The following SWT1 variants were observed in gnomAD, a reference collection of about 807,000 sequenced individuals.
SWT1 encodes transcriptional protein SWT1.
In SWT1, 33 loss-of-function variants were observed where a neutral mutation model predicts 107.3. That is an observed-to-expected ratio of 0.31 (90% CI 0.23 to 0.41). SWT1 has a LOEUF of 0.41. Ranked by LOEUF, SWT1 falls within the 10% of genes least tolerant of loss-of-function variation. The probability of loss-of-function intolerance (pLI) is 1.00; values close to 1 mark genes in which losing one functional copy is unlikely to be tolerated. For synonymous variants in SWT1, 345 were observed against 348.3 expected (o/e 0.99, Z 0.11); for missense variants, 898 against 1,028.9 (o/e 0.87, Z 1.74).
intron 9 of SWT1, among the ~76,000 whole-genome samples, chr1:185,185,473 A>G (rs998744031): frequency 6.6e-6 from 1 of 152,144 alleles, no homozygotes; most frequent in Non-Finnish European, 1.5e-5. Flanking sequence ...TATGTTTTAT[A>G]TAATTTGCTG....
At chr1:185,164,374 C>A (rs1190544667) in intron 2 of SWT1, among the ~76,000 whole-genome samples, 1 of 152,190 alleles carries the variant, frequency 6.6e-6, no homozygotes. Flanking sequence ...AAGTCACCAA[C>A]TGCATTAGCC....
intron 4 of SWT1, 78 bp downstream of exon 4, chr1:185,168,476 A>G: frequency 1.1e-6 from 1 of 898,870 alleles, no homozygotes; most frequent in Non-Finnish European, 1.5e-6. Flanking sequence ...AATTTTTTTT[A>G]TTTACTTTGA....
At chr1:185,246,191 A>G (rs1571605809) in intron 16 of SWT1, among the ~76,000 whole-genome samples, 1 of 152,310 alleles carries the variant, frequency 6.6e-6, no homozygotes, top group East Asian at 1.9e-4. Flanking sequence ...CTCTGAGTTA[A>G]TGCTAATCTC....
At chr1:185,251,087 T>A (rs1661981883) in intron 16 of SWT1, among the ~76,000 whole-genome samples, 1 of 152,190 alleles carries the variant, frequency 6.6e-6, no homozygotes. Context: ...TTAATGATGC[T>A]CTTCCTAATG....
At chr1:185,218,846 T>G (rs1419691717) in intron 14 of SWT1, among the ~76,000 whole-genome samples, 1 of 152,198 alleles carries the variant, frequency 6.6e-6, no homozygotes, top group Non-Finnish European at 1.5e-5. Flanking sequence ...TTTTGTAAAA[T>G]GAGTGTAATA....
chr1:185,246,054 C>G (rs1303496025), intron 16 of SWT1, among the ~76,000 whole-genome samples: 1 of 152,000 alleles, frequency 6.6e-6, no homozygotes, highest in Non-Finnish European at 1.5e-5. Flanking sequence ...AGGTGTGAGC[C>G]ACCGCACCCA....
chr1:185,185,235 A>T (rs1656349729), intron 9 of SWT1, among the ~76,000 whole-genome samples: 1 of 152,178 alleles, frequency 6.6e-6, no homozygotes, highest in Non-Finnish European at 1.5e-5. Context: ...TGAGTGATGA[A>T]GTCTGTAAGT....
At chr1:185,261,193 C>T (rs1183294724) in intron 16 of SWT1, among the ~76,000 whole-genome samples, 2 of 152,128 alleles carry the variant, frequency 1.3e-5, no homozygotes, top group Admixed American at 6.5e-5. Context: ...CCATCCCCTT[C>T]AGCCCTTGAC....
intron 10 of SWT1, among the ~76,000 whole-genome samples, chr1:185,193,870 T>A (rs1657166470): frequency 6.6e-6 from 1 of 152,192 alleles, no homozygotes; most frequent in African/African-American, 2.4e-5. Flanking sequence ...TTTTGCTTCG[T>A]GTATTGTGAA....
chr1:185,255,957 C>G (rs1662472778), intron 16 of SWT1, among the ~76,000 whole-genome samples: 3 of 151,858 alleles, frequency 2.0e-5, no homozygotes, highest in Admixed American at 6.6e-5. Flanking sequence ...CCTTCAGGAG[C>G]TCTTTTAGGG....
At chr1:185,190,894 G>T (rs552848095) in intron 10 of SWT1, among the ~76,000 whole-genome samples, 1 of 152,214 alleles carries the variant, frequency 6.6e-6, no homozygotes, top group African/African-American at 2.4e-5. Context: ...AGGGGAAAAG[G>T]CAACTTAATA....
At chr1:185,274,336 G>T (rs1664094790) in intron 17 of SWT1, among the ~76,000 whole-genome samples, 1 of 147,606 alleles carries the variant, frequency 6.8e-6, no homozygotes, top group African/African-American at 2.5e-5. Context: ...ATAGATGTCA[G>T]ATATATATAT....
chr1:185,173,860 A>G (rs1655311576), intron 4 of SWT1, among the ~76,000 whole-genome samples: 1 of 152,118 alleles, frequency 6.6e-6, no homozygotes, highest in Non-Finnish European at 1.5e-5. Flanking sequence ...CTACAAAAAA[A>G]TTACAAAAAT....
intron 7 of SWT1, among the ~76,000 whole-genome samples, chr1:185,183,544 A>G (rs943047374): frequency 6.6e-6 from 1 of 152,286 alleles, no homozygotes; most frequent in South Asian, 2.1e-4. Context: ...CGGCCTCTCA[A>G]AGTGCTGGGA....
In SWT1 at chr1:185,285,716, TGTAAG is replaced by T. The variant is rs1359522458; in HGVS notation, c.2574-4951_2574-4947del. The stretch of plus-strand genomic sequence containing the variant: ...ATTTTGAGTTAATTTTTGTATATGA[TGTAAG>T]GTAAGGGGTCCAGCTTCATTCATGC... On this transcript the variant is annotated intron_variant, in intron 18 of 18. Transcript: ENST00000367500. Among the ~76,000 whole-genome samples, 7 of 152,332 alleles carry T rather than the reference TGTAAG, an allele frequency of 4.6e-5. No homozygotes were observed. The East Asian group carries it at 7.7e-4, about 17-fold the overall frequency.
intron 16 of SWT1, among the ~76,000 whole-genome samples, chr1:185,259,307 C>A (rs1295238683): frequency 6.6e-6 from 1 of 152,106 alleles, no homozygotes; most frequent in Non-Finnish European, 1.5e-5. Flanking sequence ...ATATTGCCAT[C>A]TCTCATAGGA....
At chr1:185,227,388 A>C in intron 15 of SWT1, 1 of 703,482 alleles carries the variant, frequency 1.4e-6, no homozygotes, top group Non-Finnish European at 2.6e-6. Context: ...GCGGGCCAGC[A>C]GCAGGCCAGT....
intron 16 of SWT1, among the ~76,000 whole-genome samples, chr1:185,255,030 G>T (rs1020103687): frequency 6.6e-6 from 1 of 151,676 alleles, no homozygotes; most frequent in Non-Finnish European, 1.5e-5. Flanking sequence ...CCTTCATTTC[G>T]TTATGTACCC....
At chr1:185,210,751 C>T (rs973638103) in intron 13 of SWT1, among the ~76,000 whole-genome samples, 1 of 152,144 alleles carries the variant, frequency 6.6e-6, no homozygotes, top group Non-Finnish European at 1.5e-5. Context: ...AAGGGGAAGT[C>T]AAATTGTCTC....
Sources: allele counts gnomAD v4.1 joint callset (sites outside exome capture counted in the v4.1 genomes callset), GRCh38; gene constraint gnomAD v4.1.1; transcripts MANE v1.5; gene names NCBI Gene and HGNC (gene_info 2026-07-23, HGNC 2026-07-21).